The following PBX4 variants were observed in gnomAD, a reference collection of about 807,000 sequenced individuals.
The protein encoded by PBX4 is PBX homeobox 4, also known as pre-B-cell leukemia transcription factor 4.
In PBX4, 26 loss-of-function variants were observed where a neutral mutation model predicts 35.1. The observed-to-expected ratio is 0.74, with a 90% CI of 0.54 to 1.03. The LOEUF (loss-of-function observed/expected upper bound fraction) is 1.03, where lower values mean the gene tolerates loss of function less well. Among genes scored for constraint, PBX4 ranks in the 50% least tolerant of loss-of-function variants. PBX4 has a pLI of 0.00. For synonymous variants in PBX4, 199 were observed against 204.2 expected, an observed-to-expected ratio of 0.97 and a Z score of 0.22; for missense variants, 448 against 504.3, an observed-to-expected ratio of 0.89 and a Z score of 1.07.
chr19:19,590,578 C>T lies in PBX4; in HGVS notation c.193+8714G>A, dbSNP rs148140983. 7.7e-3 allele frequency among the ~76,000 whole-genome samples: 1,162 copies of T among 151,680 alleles called. 9 individuals are homozygous for T. The highest frequency in any genetic ancestry group is 0.01 in the Non-Finnish European group (704 of 67,964). Reference sequence around the variant, plus strand: ...CCGCCTCCCAGGTGCAAGTGATTCTCGCGCCTCAGCCTCCCGATTAGCTGG... The same window carrying T: ...CCGCCTCCCAGGTGCAAGTGATTCTTGCGCCTCAGCCTCCCGATTAGCTGG... On this transcript the variant is annotated intron_variant, in intron 2 of 7. Transcript: ENST00000251203.
intron 2 of PBX4, among the ~76,000 whole-genome samples, chr19:19,582,858 A>C (rs2061464409): frequency 6.6e-6 from 1 of 152,062 alleles, no homozygotes; most frequent in Non-Finnish European, 1.5e-5. Context: ...CGTTCCCCCC[A>C]CCTGTCTGAC....
Position 19,563,641 on chromosome 19 carries a change from G to T in PBX4, c.926-26C>A. ...CTGGAAGAGATGGGAGCCGGGGTGGGCAGAGTCGTGGCGCCTCCTCAGGTG... is the reference window on the plus strand; with the variant it reads ...CTGGAAGAGATGGGAGCCGGGGTGGTCAGAGTCGTGGCGCCTCCTCAGGTG... On this transcript the variant is annotated intron_variant, in intron 6 of 7. Coordinates refer to ENST00000251203, the MANE Select transcript of PBX4 (RefSeq NM_025245.3). This position sits in a 1 kb window ranked among gnomAD's most constrained non-coding sequence, Gnocchi z 5.1. 3 of 1,538,280 alleles carry T rather than the reference G, an allele frequency of 2.0e-6. No individual in the cohort carries two copies. Among genetic ancestry groups the T allele is most frequent in the Non-Finnish European group, 2.6e-6 (3 of 1,137,720 alleles).
chr19:19,576,232 T>C (rs1234912943), intron 2 of PBX4, among the ~76,000 whole-genome samples: 4 of 4,556 alleles, frequency 8.8e-4, no homozygotes, highest in Non-Finnish European at 1.3e-3. Context: ...TCTAAAAAAA[T>C]TTTTTTTTTC....
chr19:19,564,116 A>G (rs959902201), intron 6 of PBX4, among the ~76,000 whole-genome samples: 3 of 147,802 alleles, frequency 2.0e-5, no homozygotes, highest in Non-Finnish European at 3.0e-5. Flanking sequence ...AGCATTAGGT[A>G]TATCTCCCAA....
At chr19:19,614,865 A>T (rs1599385893) in intron 1 of PBX4, among the ~76,000 whole-genome samples, 1 of 151,966 alleles carries the variant, frequency 6.6e-6, no homozygotes, top group East Asian at 1.9e-4. Context: ...GACCTAAAAA[A>T]ATAGAAAGAT....
At chr19:19,567,088 A>T (rs2061347160) in intron 5 of PBX4, among the ~76,000 whole-genome samples, 5 of 152,140 alleles carry the variant, frequency 3.3e-5, no homozygotes, top group Admixed American at 3.3e-4. Flanking sequence ...TCTGTTCCAA[A>T]CATAGTGTCT....
chr19:19,615,387 A>T (rs894184680), intron 1 of PBX4, among the ~76,000 whole-genome samples: 5 of 151,586 alleles, frequency 3.3e-5, no homozygotes, highest in Admixed American at 2.0e-4. Context: ...GGTGACAAGG[A>T]CTCTAATTTC....
intron 2 of PBX4, among the ~76,000 whole-genome samples, chr19:19,574,080 T>C (rs1233443955): frequency 6.6e-6 from 1 of 152,214 alleles, no homozygotes; most frequent in Non-Finnish European, 1.5e-5. Context: ...TTTCACCATG[T>C]TGCCCAGGCT....
chr19:19,599,205 G>A (rs757460672), intron 2 of PBX4, 87 bp downstream of exon 2: 54 of 1,135,184 alleles, frequency 4.8e-5, no homozygotes, highest in Admixed American at 7.7e-5. Context: ...AGCCTCAGGT[G>A]ATCTGCCCGC....
At chr19:19,583,955 G>A (rs1349719690) in intron 2 of PBX4, among the ~76,000 whole-genome samples, 1 of 152,186 alleles carries the variant, frequency 6.6e-6, no homozygotes, top group Admixed American at 6.5e-5. Flanking sequence ...TGTAATCCCA[G>A]CTACTCGGGA....
At chr19:19,568,601 C>G (rs1015671193) in intron 5 of PBX4, among the ~76,000 whole-genome samples, 2 of 146,170 alleles carry the variant, frequency 1.4e-5, no homozygotes, top group Non-Finnish European at 3.0e-5. Flanking sequence ...AGGGAACTCA[C>G]ACTCCATCTG....
chr19:19,563,717 C>T lies in PBX4; in HGVS notation c.926-102G>A, dbSNP rs1453653197. On this transcript the variant is annotated intron_variant, in intron 6 of 7. Coordinates refer to ENST00000251203, the MANE Select transcript of PBX4 (RefSeq NM_025245.3). The surrounding 1 kb of genome is among the most constrained non-coding windows in gnomAD (Gnocchi z 5.1). ...AGGAGGCCTCGAATGTGGCTCCTGC[C>T]CCTCCTCAGCATCCGGCCTCTGCTC... 1.7e-5 allele frequency: 17 copies of T among 973,778 alleles called. No individual in the cohort carries two copies. Among genetic ancestry groups the T allele is most frequent in the Non-Finnish European group, 2.7e-5 (17 of 626,356 alleles). The allele number at this position is 973,778 out of a possible 1,614,324, so 60.3% of individuals were successfully genotyped here.
chr19:19,617,650 C>A (rs1429766902), intron 1 of PBX4, among the ~76,000 whole-genome samples: 2 of 152,082 alleles, frequency 1.3e-5, no homozygotes, highest in Non-Finnish European at 2.9e-5. Context: ...TATGTCAGCA[C>A]CCGGTTCCCT....
chr19:19,604,752 C>A (rs954851414), intron 1 of PBX4, among the ~76,000 whole-genome samples: 3 of 152,000 alleles, frequency 2.0e-5, no homozygotes, highest in African/African-American at 7.2e-5. Flanking sequence ...AGGCGCGTGC[C>A]ACCACACTCA....
chr19:19,573,702 A>C (rs1038154578), intron 2 of PBX4, among the ~76,000 whole-genome samples: 16 of 152,102 alleles, frequency 1.1e-4, no homozygotes, highest in African/African-American at 3.9e-4. Flanking sequence ...GAACCATAAA[A>C]TAAAGCCGCC....
chr19:19,588,449 T>C (rs2061504497), intron 2 of PBX4: 5 of 980,776 alleles, frequency 5.1e-6, no homozygotes, highest in Non-Finnish European at 8.0e-6. Context: ...CACACAATTT[T>C]TGTATTTTTA....
At chr19:19,565,716 G>A (rs929616916) in intron 5 of PBX4, among the ~76,000 whole-genome samples, 1 of 151,960 alleles carries the variant, frequency 6.6e-6, no homozygotes, top group African/African-American at 2.4e-5. Flanking sequence ...TCAGGAGTTC[G>A]AGACCAGCCT....
At chr19:19,607,013 A>C (rs1192648765) in intron 1 of PBX4, among the ~76,000 whole-genome samples, 1 of 151,998 alleles carries the variant, frequency 6.6e-6, no homozygotes. Context: ...CAAACAAAAA[A>C]CACAAGTATA....
At chr19:19,592,366 G>C (rs1599366218) in intron 2 of PBX4, among the ~76,000 whole-genome samples, 1 of 152,194 alleles carries the variant, frequency 6.6e-6, no homozygotes, top group Non-Finnish European at 1.5e-5. Context: ...GCTGTTTCTG[G>C]GAAGGAGGGT....
Sources: allele counts gnomAD v4.1 joint callset (sites outside exome capture counted in the v4.1 genomes callset), GRCh38; gene constraint gnomAD v4.1.1; non-coding constraint Gnocchi (gnomAD v3.1); transcripts MANE v1.5; gene names NCBI Gene and HGNC (gene_info 2026-07-23, HGNC 2026-07-21).